P3H2: variants seen among roughly 807,000 people sequenced by gnomAD.
The protein encoded by P3H2 is leprecan-like 1.
P3H2 carries 80 observed loss-of-function variants against 87.0 expected under a neutral mutation model. The ratio of observed to expected loss-of-function variants is 0.92; its 90% CI spans 0.77 to 1.11. The LOEUF (loss-of-function observed/expected upper bound fraction) is 1.11. Among genes scored for constraint, P3H2 ranks in the 50% least tolerant of loss-of-function variants. P3H2 has a pLI of 0.00. For missense variants in P3H2, 1,001 were observed against 923.9 expected, an observed-to-expected ratio of 1.08 and a Z score of -1.08; for synonymous variants, 367 against 359.3, an observed-to-expected ratio of 1.02 and a Z score of -0.24.
chr3:189,983,693 T>A (rs115787871), intron 7 of P3H2, among the ~76,000 whole-genome samples: 581 of 152,230 alleles, frequency 3.8e-3, no homozygotes, highest in African/African-American at 0.013. Flanking sequence ...CACCCAAGGG[T>A]TGAGTTTTTG....
At chr3:190,026,703 C>T (rs1171969556) in intron 1 of P3H2, among the ~76,000 whole-genome samples, 3 of 152,222 alleles carry the variant, frequency 2.0e-5, no homozygotes, top group Non-Finnish European at 4.4e-5. Context: ...TCCTAATAAA[C>T]TTGCTTTCAC....
rs562287075 is a variant in P3H2 at position 189,957,560 on chromosome 3, C to G, written c.*352G>C. 5.1e-6 allele frequency: 2 copies of G among 392,850 alleles called. No individual in the cohort carries two copies. Among genetic ancestry groups the G allele is most frequent in the East Asian group, 5.0e-5 (1 of 19,956 alleles). The allele number at this position is 392,850 out of a possible 1,614,324, so 24.3% of individuals were successfully genotyped here. A position where few individuals can be genotyped will look rare whatever the true frequency, so the allele number is the denominator to read the frequency against. The stretch of plus-strand genomic sequence containing the variant: ...AGAAAGAGAGCTGGGTGTGGTGGCA[C>G]GTGCCTGTGGTCCCAGCTCCCCGGG... On this transcript the variant is annotated 3_prime_UTR_variant, in exon 15 of 15. Transcript: ENST00000319332.
intron 1 of P3H2, among the ~76,000 whole-genome samples, chr3:190,085,325 T>G (rs1264097712): frequency 6.6e-6 from 1 of 152,228 alleles, no homozygotes; most frequent in African/African-American, 2.4e-5. Flanking sequence ...GTCAAAATTA[T>G]GACATTTCTG....
rs914448046 is a variant in P3H2, at chr3:189,989,128, C to T, written c.824-90G>A. ...AGCCACAGTTACACAGGTCATTCCT[C>T]ACCTCACCACACTGGAAGACCAAAT... On this transcript the variant is annotated intron_variant, in intron 3 of 14. Transcript: ENST00000319332. The T allele has an allele frequency of 5.0e-5, 73 of 1,469,692 alleles. 1 individual carries two copies. The South Asian group carries it at 7.7e-4, about 16-fold the overall frequency. The allele number at this position is 1,469,692 out of a possible 1,614,324, so 91.0% of individuals were successfully genotyped here. A position where few individuals can be genotyped will look rare whatever the true frequency, so the allele number is the denominator to read the frequency against.
chr3:190,048,852 CTCTCCTTGCTG>C (rs1462074817), intron 1 of P3H2, among the ~76,000 whole-genome samples: 1 of 152,168 alleles, frequency 6.6e-6, no homozygotes, highest in Non-Finnish European at 1.5e-5. Context: ...AGGAAAGGGA[CTCTCCTTGCTG>C]TCTCCTGTCT....
chr3:190,113,943 G>A (rs1234676295), intron 1 of P3H2, among the ~76,000 whole-genome samples: 2 of 151,074 alleles, frequency 1.3e-5, no homozygotes, highest in Non-Finnish European at 3.0e-5. Context: ...AGCCGGGCGT[G>A]GAGGCGGGCG....
chr3:189,977,892 G>A (rs917967552), intron 8 of P3H2, among the ~76,000 whole-genome samples: 1 of 152,038 alleles, frequency 6.6e-6, no homozygotes, highest in African/African-American at 2.4e-5. Flanking sequence ...TTCGAGGCAT[G>A]AGCCACCACG....
chr3:190,108,730 A>T (rs1168436605), intron 1 of P3H2, among the ~76,000 whole-genome samples: 1 of 152,108 alleles, frequency 6.6e-6, no homozygotes, highest in Non-Finnish European at 1.5e-5. Flanking sequence ...CAGGGCCTTA[A>T]AAAAGAAGGT....
At chr3:190,019,452 T>C (rs1485806632) in intron 1 of P3H2, among the ~76,000 whole-genome samples, 1 of 152,210 alleles carries the variant, frequency 6.6e-6, no homozygotes, top group Middle Eastern at 3.2e-3. Context: ...TATTTATTTA[T>C]TCTTACATGA....
In P3H2 at chr3:190,025,447, T is replaced by C. The variant is rs370513065; in HGVS notation, c.481-30005A>G. On this transcript the variant is annotated intron_variant, in intron 1 of 14. Transcript: ENST00000319332. ...GCTGGATTTTAATTTAACTGGTAAT[T>C]TAGTAGGTTTGTTTTCTTGGACCAC... Among the ~76,000 whole-genome samples the C allele has an allele frequency of 3.9e-5, 6 of 152,144 alleles. No homozygotes were observed. In the South Asian group the frequency reaches 6.2e-4, roughly 16 times the overall value.
intron 1 of P3H2, among the ~76,000 whole-genome samples, chr3:190,089,208 G>A (rs894941933): frequency 2.0e-5 from 3 of 152,134 alleles, no homozygotes; most frequent in Admixed American, 6.5e-5. Context: ...ATCACACACC[G>A]GGGCCTGTCG....
chr3:190,023,246 C>G (rs1351013421), intron 1 of P3H2, among the ~76,000 whole-genome samples: 1 of 152,190 alleles, frequency 6.6e-6, no homozygotes. Flanking sequence ...TAGCCTTACT[C>G]AATTGCCGTT....
At chr3:190,003,678 C>T (rs908618709) in intron 1 of P3H2, among the ~76,000 whole-genome samples, 15 of 152,180 alleles carry the variant, frequency 9.9e-5, no homozygotes, top group Non-Finnish European at 1.8e-4. Flanking sequence ...GACAAGTCGT[C>T]TCTGCCTCGG....
intron 1 of P3H2, among the ~76,000 whole-genome samples, chr3:190,002,887 T>C (rs952042640): frequency 1.3e-5 from 2 of 152,228 alleles, no homozygotes; most frequent in African/African-American, 4.8e-5. Flanking sequence ...TTATACAATA[T>C]ATTCCTTTTC....
chr3:189,989,238 A>AG (rs1723803871), intron 3 of P3H2, among the ~76,000 whole-genome samples, 200 bp from the exon 4 acceptor site: 3 of 152,208 alleles, frequency 2.0e-5, no homozygotes, highest in African/African-American at 7.2e-5. Flanking sequence ...AGCGATCACT[A>AG]GAACGACAGT....
intron 1 of P3H2, among the ~76,000 whole-genome samples, chr3:190,029,855 A>G (rs1725196972): frequency 1.3e-5 from 2 of 152,060 alleles, no homozygotes; most frequent in Non-Finnish European, 2.9e-5. Flanking sequence ...ACAAAAAATT[A>G]GAAGGGCATG....
chr3:190,036,572 A>G (rs551641705), intron 1 of P3H2, among the ~76,000 whole-genome samples: 60 of 152,328 alleles, frequency 3.9e-4, no homozygotes, highest in Non-Finnish European at 7.4e-4. Context: ...TCTTAAAGGA[A>G]TTATGACTTG....
intron 1 of P3H2, among the ~76,000 whole-genome samples, chr3:190,010,749 T>C (rs966873675): frequency 2.0e-5 from 3 of 152,196 alleles, no homozygotes; most frequent in African/African-American, 7.2e-5. Flanking sequence ...TAATATATGC[T>C]GAAAATAACA....
intron 1 of P3H2, among the ~76,000 whole-genome samples, chr3:190,054,970 A>G (rs1298976223): frequency 1.3e-5 from 2 of 152,188 alleles, no homozygotes; most frequent in Non-Finnish European, 1.5e-5. Flanking sequence ...TGAGAAATAC[A>G]TTGTGAAAGT....
Sources: allele counts gnomAD v4.1 joint callset (sites outside exome capture counted in the v4.1 genomes callset), GRCh38; gene constraint gnomAD v4.1.1; transcripts MANE v1.5; gene names NCBI Gene and HGNC (gene_info 2026-07-23, HGNC 2026-07-21).